The following MTR variants were observed in gnomAD, a reference collection of about 807,000 sequenced individuals.
MTR encodes methionine synthase.
MTR carries 84 observed loss-of-function variants against 154.8 expected under a neutral mutation model. The ratio of observed to expected loss-of-function variants is 0.54; its 90% CI spans 0.45 to 0.65. The LOEUF (loss-of-function observed/expected upper bound fraction) is 0.65, where lower values mean the gene tolerates loss of function less well. Among genes scored for constraint, MTR ranks in the 30% least tolerant of loss-of-function variants. The probability of loss-of-function intolerance (pLI) is 0.00; values close to 1 mark genes in which losing one functional copy is unlikely to be tolerated. For missense variants in MTR, 1,275 were observed against 1,570.2 expected, an observed-to-expected ratio of 0.81 and a Z score of 3.18; for synonymous variants, 554 against 553.9, an observed-to-expected ratio of 1.00 and a Z score of 0.00.
chr1:236,839,959 G>A (rs1663135718), intron 15 of MTR, among the ~76,000 whole-genome samples: 1 of 152,168 alleles, frequency 6.6e-6, no homozygotes, highest in African/African-American at 2.4e-5. Flanking sequence ...ATTTACATAT[G>A]TTTGTCTGCA....
intron 3 of MTR, among the ~76,000 whole-genome samples, chr1:236,807,869 G>A (rs1459647354): frequency 6.6e-6 from 1 of 152,176 alleles, no homozygotes; most frequent in Non-Finnish European, 1.5e-5. Context: ...ATCATGTAGT[G>A]TGGAAGCAGC....
At chr1:236,844,892 G>A (rs142810493) in intron 15 of MTR, among the ~76,000 whole-genome samples, 1 of 152,192 alleles carries the variant, frequency 6.6e-6, no homozygotes, top group South Asian at 2.1e-4. Flanking sequence ...GGCAGTCACT[G>A]CTGGAGCTTT....
chr1:236,895,147 C>G (rs1666550982), intron 30 of MTR: 1 of 624,698 alleles, frequency 1.6e-6, no homozygotes, highest in Non-Finnish European at 2.9e-6. Flanking sequence ...CTTCAGAGCT[C>G]AGGTTGAGGC....
rs1664525613 is a variant in MTR, at chr1:236,861,188, C to T, written c.2107C>T (p.Arg703Ter). ...CAGGTTAAACCAAAAAAAATATCCC[C>T]GACCTCTCAATATAATTGAAGGACC... ...EARLNQKKYP[R>*]PLNIIEGPLM... Residue 703 changes from arginine to a stop codon, truncating the protein, a stop_gained, in exon 20 of 33, where the codon CGA (arginine) becomes TGA (stop). Coordinates refer to ENST00000366577, the MANE Select transcript of MTR (RefSeq NM_000254.3). LOFTEE classifies it high-confidence loss of function. 8 of 1,612,886 alleles carry T rather than the reference C, an allele frequency of 5.0e-6. No homozygotes were observed. The highest frequency in any genetic ancestry group is 5.1e-6 in the Non-Finnish European group (6 of 1,179,766).
intron 1 of MTR, among the ~76,000 whole-genome samples, chr1:236,796,171 A>G (rs536290859): frequency 5.3e-5 from 8 of 152,334 alleles, no homozygotes; most frequent in Admixed American, 5.2e-4. Flanking sequence ...TCAGAGAACT[A>G]TTTAAAACTA....
rs374681119 is a variant in MTR, at chr1:236,873,823, C to G, written c.2456C>G (p.Ala819Gly). The G allele has an allele frequency of 1.9e-6, 3 of 1,613,940 alleles. No homozygotes were observed. The African/African-American group carries it at 4.0e-5, about 22-fold the overall frequency. Residue 819 changes from alanine (A) to glycine (G), a missense_variant, in exon 23 of 33, where the codon GCT becomes GGT. Transcript: ENST00000366577. ...MTPCDKILKA[A>G]LDHKADIIGL... The stretch of plus-strand genomic sequence containing the variant: ...CCATGTGATAAGATACTGAAAGCTG[C>G]TCTTGACCACAAAGCAGGTACTGTG...
Position 236,795,423 on chromosome 1 carries a change from T to C in MTR, c.-281T>C. 1 of 1,470,060 alleles carries C rather than the reference T, an allele frequency of 6.8e-7. No individual in the cohort carries two copies. Among genetic ancestry groups the C allele is most frequent in the East Asian group, 2.8e-5 (1 of 35,376 alleles). The allele number at this position is 1,470,060 out of a possible 1,614,324, so 91.1% of individuals were successfully genotyped here. A position where few individuals can be genotyped will look rare whatever the true frequency, so the allele number is the denominator to read the frequency against. Reference sequence around the variant, plus strand: ...CCGCGACTCCGCCTCTGGCCGCGCGTGTCTGGCTGCTAGGCCGACACCAAG... The same window carrying C: ...CCGCGACTCCGCCTCTGGCCGCGCGCGTCTGGCTGCTAGGCCGACACCAAG... On this transcript the variant is annotated 5_prime_UTR_variant, in exon 1 of 33. Transcript: ENST00000366577.
intron 27 of MTR, among the ~76,000 whole-genome samples, chr1:236,888,244 G>C (rs573446326): frequency 6.6e-6 from 1 of 152,288 alleles, no homozygotes; most frequent in South Asian, 2.1e-4. Context: ...GCTCGGATAC[G>C]GCAATGGAGC....
At chr1:236,836,260 A>AT (rs563761662) in intron 14 of MTR, among the ~76,000 whole-genome samples, 22 of 147,642 alleles carry the variant, frequency 1.5e-4, no homozygotes, top group Admixed American at 4.7e-4. Context: ...ATGAGAAGTG[A>AT]TTTTTTTTTT....
At position 236,873,854 on chromosome 1, in the gene MTR, A is replaced by G. The variant is rs193210789; in HGVS notation, c.2473+14A>G. 37 of 1,612,512 alleles carry G rather than the reference A, an allele frequency of 2.3e-5. No homozygotes were observed. In the Admixed American group the frequency reaches 2.8e-4, roughly 12 times the overall value. On this transcript the variant is annotated intron_variant, in intron 23 of 32. Transcript: ENST00000366577. ...ACCACAAAGCAGGTACTGTGCAACTATACTTTGGGCATTTCTCTAAATGTC... is the reference window on the plus strand; with the variant it reads ...ACCACAAAGCAGGTACTGTGCAACTGTACTTTGGGCATTTCTCTAAATGTC...
intron 24 of MTR, among the ~76,000 whole-genome samples, chr1:236,879,260 A>T (rs1030509452): frequency 2.0e-5 from 3 of 152,190 alleles, no homozygotes. Flanking sequence ...GGACACTTCG[A>T]TGTGTATCTT....
chr1:236,819,828 A>G (rs1661817784), intron 8 of MTR: 2 of 764,040 alleles, frequency 2.6e-6, no homozygotes, highest in Non-Finnish European at 2.4e-6. Context: ...GGCTTGTGCC[A>G]TTGTTGCCAT....
At chr1:236,820,342 G>T in intron 8 of MTR, 1 of 756,660 alleles carries the variant, frequency 1.3e-6, no homozygotes, top group South Asian at 1.3e-5. Flanking sequence ...TCCAGCTCCC[G>T]AGTTCACTGC....
intron 22 of MTR, among the ~76,000 whole-genome samples, chr1:236,872,789 T>C (rs2147875338): frequency 6.6e-6 from 1 of 152,312 alleles, no homozygotes; most frequent in South Asian, 2.1e-4. Context: ...GAGGATCACT[T>C]GAGCCCAGGA....
intron 17 of MTR, 123 bp from the exon 18 acceptor site, chr1:236,852,825 G>A (rs1663986339): frequency 2.5e-6 from 3 of 1,221,416 alleles, no homozygotes; most frequent in African/African-American, 1.5e-5. Flanking sequence ...CTACAAAGTT[G>A]AGTAGCTGTG....
intron 19 of MTR, 105 bp from the exon 20 acceptor site, chr1:236,861,020 C>T (rs907262866): frequency 3.1e-6 from 3 of 969,082 alleles, no homozygotes; most frequent in East Asian, 5.2e-5. Context: ...GGAACCTGTG[C>T]TGTTAGGCAT....
intron 8 of MTR, among the ~76,000 whole-genome samples, chr1:236,820,777 G>A (rs1288509770): frequency 2.0e-5 from 3 of 152,184 alleles, no homozygotes; most frequent in Non-Finnish European, 4.4e-5. Flanking sequence ...CAGCAGTGAA[G>A]GAGAGTTCCT....
rs1666878296 is a variant in MTR, at chr1:236,900,604, AC to A, written c.*2961del. 2 of 152,330 alleles carry A rather than the reference AC, an allele frequency of 1.3e-5. No homozygotes were observed. Among genetic ancestry groups the A allele is most frequent in the Admixed American group, 1.3e-4 (2 of 15,302 alleles). 9.4% of individuals were successfully genotyped at this position (152,330 alleles called of 1,614,324 possible). ...TATAACTAATAGATAACAGTTTTTT[AC>A]ATATTAAATATGTTCTACTTAAATA... On this transcript the variant is annotated 3_prime_UTR_variant, in exon 33 of 33. Transcript: ENST00000366577.
In MTR at chr1:236,854,301, C is replaced by T. The variant is rs191528443; in HGVS notation, c.1953+1213C>T. ...GTGCCAACGCTCACACGACCCTCCT[C>T]TCAGTTCCTTAAAAACATTTCCAGT... On this transcript the variant is annotated intron_variant, in intron 18 of 32. Coordinates refer to ENST00000366577, the MANE Select transcript of MTR (RefSeq NM_000254.3). Among the ~76,000 whole-genome samples, 457 of 152,338 alleles carry T rather than the reference C, an allele frequency of 3.0e-3. 4 individuals are homozygous for T. Among genetic ancestry groups the T allele is most frequent in the African/African-American group, 9.3e-3 (386 of 41,594 alleles).
Sources: allele counts gnomAD v4.1 joint callset (sites outside exome capture counted in the v4.1 genomes callset), GRCh38; gene constraint gnomAD v4.1.1; transcripts MANE v1.5; gene names NCBI Gene and HGNC (gene_info 2026-07-23, HGNC 2026-07-21).